CYSLTR1: variants seen among roughly 807,000 people sequenced by gnomAD.
CYSLTR1 encodes G-protein coupled receptor HG55.
CYSLTR1 carries 1 observed loss-of-function variant against 2.1 expected under a neutral mutation model. The ratio of observed to expected loss-of-function variants is 0.48; its 90% CI spans 0.17 to 2.28. The LOEUF is 2.28. Ranked by LOEUF, CYSLTR1 falls within the 30% of genes most tolerant of loss-of-function variation. The pLI is 0.26. For synonymous variants in CYSLTR1, 110 were observed against 89.6 expected (o/e 1.23, Z -1.28); for missense variants, 299 against 250.1 (o/e 1.20, Z -1.32).
intron 1 of CYSLTR1, among the ~76,000 whole-genome samples, chrX:78,310,558 C>A (rs1300583414): frequency 1.8e-5 from 2 of 112,321 alleles, no homozygotes; most frequent in Non-Finnish European, 3.8e-5. Context: ...ACCTTGCCCA[C>A]TAAGGGCTTA....
intron 1 of CYSLTR1, among the ~76,000 whole-genome samples, chrX:78,302,849 G>C (rs1356872118): frequency 1.8e-5 from 2 of 110,756 alleles, no homozygotes; most frequent in Non-Finnish European, 3.8e-5. Flanking sequence ...TAAGGGGTCT[G>C]TTTTGGAGCC....
In CYSLTR1 at chrX:78,315,791, C is replaced by T. The variant is rs149760017; in HGVS notation, c.-115+11514G>A. ...AGCATTTTGATTCTAGTCCCTGACT[C>T]CTGAACGGCACCACAGGACCCACCC... On this transcript the variant is annotated intron_variant, in intron 1 of 2. Transcript: ENST00000373304. Among the ~76,000 whole-genome samples, 426 of 112,281 alleles carry T rather than the reference C, an allele frequency of 3.8e-3. 1 individual carries two copies. The highest frequency in any genetic ancestry group is 0.013 in the African/African-American group (411 of 30,908).
intron 1 of CYSLTR1, among the ~76,000 whole-genome samples, chrX:78,293,878 G>A (rs1191359829): frequency 2.7e-5 from 3 of 111,179 alleles, no homozygotes; most frequent in Non-Finnish European, 3.8e-5. Flanking sequence ...TTAGCCATTC[G>A]TCCAATCTTT....
At chrX:78,321,960 C>T (rs1317360277) in intron 1 of CYSLTR1, among the ~76,000 whole-genome samples, 2 of 111,424 alleles carry the variant, frequency 1.8e-5, no homozygotes. Context: ...ACTGGAGAGT[C>T]TGTATGTGTT....
chrX:78,316,441 C>G lies in CYSLTR1; in HGVS notation c.-115+10864G>C, dbSNP rs1037339996. Among the ~76,000 whole-genome samples the G allele has an allele frequency of 8.0e-5, 9 of 112,293 alleles. No homozygotes were observed. In the Admixed American group the frequency reaches 8.5e-4, roughly 11 times the overall value. On this transcript the variant is annotated intron_variant, in intron 1 of 2. Coordinates refer to ENST00000373304, the MANE Select transcript of CYSLTR1 (RefSeq NM_006639.4). ...GATAGGAAGGGGTGAGACCTGAAAG[C>G]CAAGTTTGCTTGCTCAGCGGGGAAG...
intron 2 of CYSLTR1, 75 bp from the exon 3 acceptor site, chrX:78,273,848 G>A: frequency 2.3e-6 from 2 of 880,730 alleles, no homozygotes; most frequent in Non-Finnish European, 3.1e-6. Context: ...TTATTTCATA[G>A]TGTCACTATG....
chrX:78,273,157 C>T lies in CYSLTR1; in HGVS notation c.590G>A (p.Gly197Asp), dbSNP rs1921372557. ...LVLHYVSLFVGFIIPFVIIIV... is the reference protein window; with the variant it reads ...LVLHYVSLFVDFIIPFVIIIV... ...TATAATAACAAAAGGGATGATAAAG[C>T]CAACAAACAATGACACATAATGCAA... The change falls in exon 3 of 3, where the codon GGC becomes GAC. Residue 197 changes from glycine (G) to aspartate (D), a missense_variant. Coordinates refer to ENST00000373304, the MANE Select transcript of CYSLTR1 (RefSeq NM_006639.4). 1 of 1,208,962 alleles carries T rather than the reference C, an allele frequency of 8.3e-7. No homozygotes were observed. Among genetic ancestry groups the T allele is most frequent in the Non-Finnish European group, 1.1e-6 (1 of 894,113 alleles).
intron 1 of CYSLTR1, among the ~76,000 whole-genome samples, chrX:78,326,963 A>G (rs1923882020): frequency 1.8e-5 from 2 of 112,094 alleles, no homozygotes; most frequent in Non-Finnish European, 3.8e-5. Context: ...TCACTACATT[A>G]GAGAAACTCC....
chrX:78,325,653 G>A (rs754678873), intron 1 of CYSLTR1, among the ~76,000 whole-genome samples: 2 of 111,482 alleles, frequency 1.8e-5, no homozygotes, highest in East Asian at 5.7e-4. Flanking sequence ...GTTTAGAGCA[G>A]CCACTGTTAG....
rs972739662 is a variant in CYSLTR1, at chrX:78,290,186, C to A, written c.-114-6646G>T. ...GTTTCAGCTTTCTACATATGGCTAG[C>A]CAGTTTTCCCAGCACCATTTATTAA... On this transcript the variant is annotated intron_variant, in intron 1 of 2. Coordinates refer to ENST00000373304, the MANE Select transcript of CYSLTR1 (RefSeq NM_006639.4). Among the ~76,000 whole-genome samples, 11 of 111,813 alleles carry A rather than the reference C, an allele frequency of 9.8e-5. No individual in the cohort carries two copies. The Admixed American group carries it at 1.0e-3, about 11-fold the overall frequency.
intron 1 of CYSLTR1, chrX:78,319,635 T>C (rs1324633603): frequency 9.0e-6 from 1 of 111,692 alleles, no homozygotes; most frequent in Admixed American, 9.4e-5. Flanking sequence ...TACCCAGTAA[T>C]GGGATGGCTA....
intron 1 of CYSLTR1, among the ~76,000 whole-genome samples, chrX:78,314,339 T>C (rs1302087217): frequency 9.0e-6 from 1 of 111,601 alleles, no homozygotes; most frequent in African/African-American, 3.3e-5. Flanking sequence ...TTTTCAAAAA[T>C]AGTAATTGTA....
intron 1 of CYSLTR1, among the ~76,000 whole-genome samples, chrX:78,311,863 C>T (rs1923230127): frequency 9.0e-6 from 1 of 111,700 alleles, no homozygotes; most frequent in African/African-American, 3.3e-5. Context: ...ATATTCGATG[C>T]TCATAGAGTG....
intron 1 of CYSLTR1, among the ~76,000 whole-genome samples, chrX:78,314,184 G>A (rs919110400): frequency 3.6e-4 from 40 of 111,861 alleles, no homozygotes; most frequent in Non-Finnish European, 7.3e-4. Flanking sequence ...AGAAAGGTCA[G>A]ATGTGGAAGA....
intron 2 of CYSLTR1, among the ~76,000 whole-genome samples, chrX:78,277,375 C>A (rs1921636530): frequency 9.0e-6 from 1 of 111,727 alleles, no homozygotes; most frequent in Non-Finnish European, 1.9e-5. Flanking sequence ...GATGACCCTG[C>A]ATAACAGTCG....
intron 1 of CYSLTR1, among the ~76,000 whole-genome samples, chrX:78,283,746 C>A (rs1446097120): frequency 8.9e-6 from 1 of 112,108 alleles, no homozygotes; most frequent in African/African-American, 3.2e-5. Flanking sequence ...ACTTGGAATA[C>A]AGACAAGGGC....
intron 1 of CYSLTR1, among the ~76,000 whole-genome samples, chrX:78,291,447 G>A (rs1365539355): frequency 9.0e-6 from 1 of 110,953 alleles, no homozygotes; most frequent in Admixed American, 9.6e-5. Flanking sequence ...TCTCTGCCAG[G>A]CTTTGGTATC....
chrX:78,312,086 T>C (rs1242197563), intron 1 of CYSLTR1, among the ~76,000 whole-genome samples: 2 of 111,481 alleles, frequency 1.8e-5, no homozygotes, highest in African/African-American at 6.5e-5. Context: ...AACCATACTA[T>C]AAGACTACAG....
rs200181664 is a variant in CYSLTR1 at position 78,273,038 on chromosome X, C to T, written c.709G>A (p.Val237Ile). 9 of 1,209,546 alleles carry T rather than the reference C, an allele frequency of 7.4e-6. No individual in the cohort carries two copies. The African/African-American group carries it at 1.1e-4, about 14-fold the overall frequency. ...CTGACTAAAAAGGCAGCGGTCACGA[C>T]CATGATCATTCCTATAGCCTTTTTA... ...SHKKAIGMIM[V>I]VTAAFLVSFM... The change falls in exon 3 of 3, where the codon GTC (valine) becomes ATC (isoleucine). Residue 237 changes from valine to isoleucine, a missense_variant. Coordinates refer to ENST00000373304, the MANE Select transcript of CYSLTR1 (RefSeq NM_006639.4).
Sources: gnomAD v4.1 joint callset for allele counts (sites outside exome capture counted in the v4.1 genomes callset) on GRCh38, gnomAD v4.1.1 for gene constraint, MANE v1.5 for transcripts, NCBI Gene and HGNC (gene_info 2026-07-23, HGNC 2026-07-21) for gene names.